UBE2H: variants seen among roughly 807,000 people sequenced by gnomAD.
UBE2H encodes the protein ubiquitin-conjugating enzyme E2 H.
UBE2H carries 3 observed loss-of-function variants against 29.0 expected under a neutral mutation model. The observed-to-expected ratio is 0.10, with a 90% CI of 0.05 to 0.27. The LOEUF (loss-of-function observed/expected upper bound fraction) is 0.27, where lower values mean the gene tolerates loss of function less well. UBE2H is among the 10% of genes least tolerant of loss of function. The pLI is 1.00. For missense variants in UBE2H, 68 were observed against 228.2 expected (o/e 0.30, Z 4.52); for synonymous variants, 69 against 82.9 (o/e 0.83, Z 0.91).
intron 1 of UBE2H, among the ~76,000 whole-genome samples, chr7:129,935,414 G>C (rs932063548): frequency 1.2e-5 from 1 of 81,998 alleles, no homozygotes. Context: ...CTGTCTCAAA[G>C]AAAAAAAAAA....
intron 3 of UBE2H, chr7:129,865,159 G>T: frequency 2.9e-6 from 1 of 350,668 alleles, no homozygotes; most frequent in Admixed American, 3.3e-5. Context: ...AATATGCCTT[G>T]CTTTTGCTTG....
At chr7:129,845,454 C>T (rs1292307950) in intron 5 of UBE2H, among the ~76,000 whole-genome samples, 1 of 152,218 alleles carries the variant, frequency 6.6e-6, no homozygotes, top group African/African-American at 2.4e-5. Flanking sequence ...TCACCTCTAA[C>T]AGCTCGACTC....
intron 1 of UBE2H, among the ~76,000 whole-genome samples, chr7:129,911,393 G>A (rs1440201162): frequency 6.6e-6 from 1 of 151,560 alleles, no homozygotes; most frequent in Non-Finnish European, 1.5e-5. Flanking sequence ...AAAAAAATGA[G>A]GACAGAACAA....
intron 1 of UBE2H, among the ~76,000 whole-genome samples, chr7:129,914,627 G>C (rs974443694): frequency 1.2e-4 from 18 of 152,160 alleles, no homozygotes; most frequent in Admixed American, 5.9e-4. Context: ...ACCGACCCAG[G>C]TTTGAGTTCT....
intron 5 of UBE2H, among the ~76,000 whole-genome samples, chr7:129,852,875 G>A (rs1314408648): frequency 2.6e-5 from 4 of 152,146 alleles, no homozygotes; most frequent in East Asian, 1.9e-4. Flanking sequence ...ACAGGTATGC[G>A]CCACCACGCC....
chr7:129,847,515 C>CTT (rs558087514), intron 5 of UBE2H, among the ~76,000 whole-genome samples: 34 of 147,674 alleles, frequency 2.3e-4, no homozygotes, highest in Admixed American at 7.4e-4. Context: ...CCCAGTCTCT[C>CTT]TTTTTTTTTT....
At chr7:129,938,280 C>T (rs1300831451) in intron 1 of UBE2H, among the ~76,000 whole-genome samples, 2 of 151,522 alleles carry the variant, frequency 1.3e-5, no homozygotes, top group African/African-American at 2.4e-5. Flanking sequence ...GGCATGGTGG[C>T]GTGTGACTGT....
intron 1 of UBE2H, among the ~76,000 whole-genome samples, chr7:129,923,956 T>A (rs1040356061): frequency 2.6e-5 from 4 of 152,166 alleles, no homozygotes; most frequent in Non-Finnish European, 5.9e-5. Context: ...AACTCTACCA[T>A]CCGTAACAAC....
chr7:129,847,034 T>A (rs1254214841), intron 5 of UBE2H, among the ~76,000 whole-genome samples: 2 of 151,566 alleles, frequency 1.3e-5, no homozygotes, highest in Non-Finnish European at 2.9e-5. Flanking sequence ...TATTATTATT[T>A]TTTGAGACGG....
chr7:129,917,401 T>C (rs1408674373), intron 1 of UBE2H, among the ~76,000 whole-genome samples: 2 of 152,188 alleles, frequency 1.3e-5, no homozygotes, highest in Non-Finnish European at 2.9e-5. Context: ...GGACACACCC[T>C]CACATCCCTA....
intron 5 of UBE2H, among the ~76,000 whole-genome samples, chr7:129,854,060 G>GGTTTTTTTTTTTTTTTTTTATTTT (rs1554430936): frequency 3.0e-5 from 3 of 100,312 alleles, no homozygotes; most frequent in Non-Finnish European, 5.9e-5. Flanking sequence ...TTTAGTGTTA[G>GGTTTTTTTTTTTTTTTTTTATTTT]TTTTTTTTTT....
intron 3 of UBE2H, among the ~76,000 whole-genome samples, chr7:129,862,561 G>C (rs1324547413): frequency 1.3e-5 from 2 of 152,138 alleles, no homozygotes; most frequent in African/African-American, 4.8e-5. Context: ...GGTCAGGAAG[G>C]GACTTCCTGA....
At chr7:129,843,689 C>T (rs546622579) in intron 5 of UBE2H, among the ~76,000 whole-genome samples, 17 of 152,180 alleles carry the variant, frequency 1.1e-4, no homozygotes, top group Non-Finnish European at 2.2e-4. Context: ...AAGCAAAGGA[C>T]GTTCAGATGT....
rs564611252 is a variant in UBE2H, at chr7:129,872,967, T to C, written c.205+6601A>G. Among the ~76,000 whole-genome samples, 124 of 149,050 alleles carry C rather than the reference T, an allele frequency of 8.3e-4. 2 individuals carry two copies. Among genetic ancestry groups the C allele is most frequent in the East Asian group, 1.6e-3 (8 of 4,916 alleles). ...TCCAGTCTAGTGGAACAGGGCAACC[T>C]AAACCATCCTGATAGTTTGACCCAA... is the stretch of plus-strand genomic sequence containing the variant. On this transcript the variant is annotated intron_variant, in intron 3 of 6. Coordinates refer to ENST00000355621, the MANE Select transcript of UBE2H (RefSeq NM_003344.4).
intron 3 of UBE2H, among the ~76,000 whole-genome samples, chr7:129,859,583 G>A (rs929645218): frequency 1.1e-4 from 16 of 152,304 alleles, no homozygotes; most frequent in African/African-American, 3.6e-4. Flanking sequence ...ATATCTGTTG[G>A]AGGTTTAAGT....
intron 1 of UBE2H, among the ~76,000 whole-genome samples, chr7:129,939,053 C>T (rs1245134587): frequency 2.6e-5 from 4 of 152,160 alleles, no homozygotes; most frequent in African/African-American, 4.8e-5. Context: ...TCCGCCTTGG[C>T]GTCCCAAAGT....
intron 1 of UBE2H, among the ~76,000 whole-genome samples, chr7:129,890,448 C>T (rs576452167): frequency 4.0e-5 from 6 of 151,656 alleles, no homozygotes; most frequent in Admixed American, 2.0e-4. Context: ...GGTGTGGTCT[C>T]GGCTCCCTAC....
At chr7:129,934,758 T>C (rs1023320346) in intron 1 of UBE2H, among the ~76,000 whole-genome samples, 1 of 144,872 alleles carries the variant, frequency 6.9e-6, no homozygotes, top group African/African-American at 2.6e-5. Context: ...GGAAAATATA[T>C]ATAAAAAAAT....
chr7:129,885,960 G>A (rs1806352131), intron 1 of UBE2H, among the ~76,000 whole-genome samples: 1 of 152,190 alleles, frequency 6.6e-6, no homozygotes, highest in Non-Finnish European at 1.5e-5. Context: ...AAAGTCAAGG[G>A]CAAGGAAGGC....
Sources: allele counts gnomAD v4.1 joint callset (sites outside exome capture counted in the v4.1 genomes callset), GRCh38; gene constraint gnomAD v4.1.1; transcripts MANE v1.5; gene names NCBI Gene and HGNC (gene_info 2026-07-23, HGNC 2026-07-21).